Variants in NUP210 observed in about 807,000 individuals in gnomAD.
NUP210 encodes nuclear pore membrane glycoprotein 210.
In NUP210, 151 loss-of-function variants were observed where a neutral mutation model predicts 196.0. The observed-to-expected ratio is 0.77, with a 90% CI of 0.67 to 0.88. NUP210 has a LOEUF of 0.88. NUP210 is among the 40% of genes least tolerant of loss of function. The pLI, the probability that NUP210 is intolerant of heterozygous loss-of-function variation, is 0.00. For missense variants in NUP210, 2,314 were observed against 2,493.7 expected, an observed-to-expected ratio of 0.93 and a Z score of 1.53; for synonymous variants, 1,070 against 1,052.7, an observed-to-expected ratio of 1.02 and a Z score of -0.32.
chr3:13,373,033 C>T (rs1030228817), intron 12 of NUP210, among the ~76,000 whole-genome samples: 1 of 152,124 alleles, frequency 6.6e-6, no homozygotes, highest in Non-Finnish European at 1.5e-5. Flanking sequence ...GGGTCTCAAG[C>T]GGAAGACTGG....
At chr3:13,357,163 A>G (rs1698196749) in intron 16 of NUP210, among the ~76,000 whole-genome samples, 1 of 152,180 alleles carries the variant, frequency 6.6e-6, no homozygotes, top group Non-Finnish European at 1.5e-5. Flanking sequence ...GCGCATGCAC[A>G]GTGCATTCGC....
At chr3:13,325,441 A>T (rs985296623) in intron 33 of NUP210, among the ~76,000 whole-genome samples, 4 of 152,196 alleles carry the variant, frequency 2.6e-5, no homozygotes, top group African/African-American at 9.6e-5. Context: ...CCAGACTCAA[A>T]GGGTGACTTG....
chr3:13,343,427 A>C (rs901402013), intron 20 of NUP210, 124 bp from the exon 21 acceptor site: 1 of 1,264,422 alleles, frequency 7.9e-7, no homozygotes, highest in South Asian at 1.5e-5. Flanking sequence ...ATGGGATGCC[A>C]GTGGCAGAGC....
rs71306055 is a variant in NUP210 at position 13,355,935 on chromosome 3, G to A, written c.2329-1828C>T. On this transcript the variant is annotated intron_variant, in intron 16 of 39. Coordinates refer to ENST00000254508, the MANE Select transcript of NUP210 (RefSeq NM_024923.4). ...AACATAAGCCCCATATTACAAACAG[G>A]GAGGCTGAGGTCCAGGGACGTTAAA... Among the ~76,000 whole-genome samples, 1,034 of 152,302 alleles carry A rather than the reference G, an allele frequency of 6.8e-3. 4 individuals carry two copies. The highest frequency in any genetic ancestry group is 9.1e-3 in the South Asian group (44 of 4,832).
rs184470767 is a variant in NUP210, at chr3:13,391,640, C to T, written c.437-333G>A. ...CACTGCTGCCCCGCACGTCTGTGAG[C>T]GGTTTACAATTTAGGAGTCTGCTCG... On this transcript the variant is annotated intron_variant, in intron 3 of 39. Coordinates refer to ENST00000254508, the MANE Select transcript of NUP210 (RefSeq NM_024923.4). Among the ~76,000 whole-genome samples, 21 of 147,370 alleles carry T rather than the reference C, an allele frequency of 1.4e-4. 1 individual carries two copies. In the South Asian group the frequency reaches 2.4e-3, roughly 17 times the overall value.
At chr3:13,363,045 A>G (rs1698420626) in intron 14 of NUP210, among the ~76,000 whole-genome samples, 1 of 152,184 alleles carries the variant, frequency 6.6e-6, no homozygotes, top group Admixed American at 6.5e-5. Flanking sequence ...AATGTCTACA[A>G]GGCTGTTTCC....
rs59291391 is a variant in NUP210 at position 13,350,692 on chromosome 3, CTTTT to C, written c.2835+1183_2835+1186del. Reference sequence around the variant, plus strand: ...AGTTACAGGAAAAAAAATAGAAATTCTTTTTTTTTTTTTTTTTTTGAGATGGAGT... The same window carrying C: ...AGTTACAGGAAAAAAAATAGAAATTCTTTTTTTTTTTTTTTGAGATGGAGT... On this transcript the variant is annotated intron_variant, in intron 20 of 39. Transcript: ENST00000254508. The surrounding 1 kb of genome is among the most constrained non-coding windows in gnomAD (Gnocchi z 4.1). 3.0e-5 allele frequency among the ~76,000 whole-genome samples: 4 copies of C among 131,494 alleles called. No homozygotes were observed. Among genetic ancestry groups the C allele is most frequent in the Admixed American group, 8.0e-5 (1 of 12,486 alleles). 86.3% of individuals were successfully genotyped at this position (131,494 alleles called of 152,430 possible).
chr3:13,386,396 A>G lies in NUP210; in HGVS notation c.696T>C (p.Pro232=), dbSNP rs1024968161. Residue 232 remains proline (P), a synonymous_variant, in exon 6 of 40, where the codon CCT becomes CCC. Transcript: ENST00000254508. ...IQEAVYKNVR[P]AEVRLLILEN... The stretch of plus-strand genomic sequence containing the variant: ...CCAAAATCAGCAGCCTGACTTCTGC[A>G]GGGCGTACATTCTTGGCATAAAGAA... 3 of 1,614,068 alleles carry G rather than the reference A, an allele frequency of 1.9e-6. No homozygotes were observed. The highest frequency in any genetic ancestry group is 1.7e-6 in the Non-Finnish European group (2 of 1,180,042).
chr3:13,366,656 T>A (rs896966486), intron 13 of NUP210, among the ~76,000 whole-genome samples: 8 of 151,650 alleles, frequency 5.3e-5, no homozygotes, highest in African/African-American at 1.9e-4. Context: ...TAGCTGGGAT[T>A]AGAGGCATGC....
At chr3:13,327,548 AG>A in intron 31 of NUP210, 111 bp from the exon 32 acceptor site, 1 of 813,220 alleles carries the variant, frequency 1.2e-6, no homozygotes, top group Non-Finnish European at 2.0e-6. Flanking sequence ...CAACTGACTG[AG>A]GTCCCAGGTG....
intron 1 of NUP210, among the ~76,000 whole-genome samples, chr3:13,415,429 G>A (rs560755707): frequency 6.6e-6 from 1 of 152,292 alleles, no homozygotes; most frequent in East Asian, 1.9e-4. Flanking sequence ...CCATCAAATA[G>A]GCCCAGATGA....
At position 13,319,447 on chromosome 3, in the gene NUP210, T is replaced by C. The variant is rs565663148; in HGVS notation, c.5384-122A>G. ...AGGTCCCTCTTAGATGTAAGGATGG[T>C]GGTCTCAGAGGGCCAGGCCACCTGC... On this transcript the variant is annotated intron_variant, in intron 37 of 39. Coordinates refer to ENST00000254508, the MANE Select transcript of NUP210 (RefSeq NM_024923.4). 8.1e-6 allele frequency: 7 copies of C among 867,974 alleles called. No individual in the cohort carries two copies. In the African/African-American group the frequency reaches 8.3e-5, roughly 10 times the overall value. 53.8% of individuals were successfully genotyped at this position (867,974 alleles called of 1,614,324 possible). A position where few individuals can be genotyped will look rare whatever the true frequency, so the allele number is the denominator to read the frequency against.
intron 13 of NUP210, among the ~76,000 whole-genome samples, chr3:13,367,162 C>T (rs985359819): frequency 6.6e-6 from 1 of 151,338 alleles, no homozygotes; most frequent in Non-Finnish European, 1.5e-5. Flanking sequence ...CACGGCCGGG[C>T]ATGGTGGCTC....
chr3:13,332,277 G>A lies in NUP210; in HGVS notation c.3935+16C>T, dbSNP rs1040862595. On this transcript the variant is annotated intron_variant, in intron 29 of 39. Coordinates refer to ENST00000254508, the MANE Select transcript of NUP210 (RefSeq NM_024923.4). ...AGCCGCACAACTTTGCTGGAAACAA[G>A]AGCTGAGTCACGTACCTGTTTGTCT... 6.2e-7 allele frequency: 1 copy of A among 1,604,386 alleles called. No individual in the cohort carries two copies. Among genetic ancestry groups the A allele is most frequent in the Non-Finnish European group, 8.5e-7 (1 of 1,171,350 alleles).
chr3:13,373,231 C>G (rs1698790275), intron 12 of NUP210, among the ~76,000 whole-genome samples: 1 of 152,206 alleles, frequency 6.6e-6, no homozygotes, highest in Admixed American at 6.5e-5. Flanking sequence ...CCACCTGCCA[C>G]CATTGTGAAG....
intron 25 of NUP210, among the ~76,000 whole-genome samples, chr3:13,338,166 G>C (rs1697306590): frequency 2.0e-5 from 3 of 152,202 alleles, no homozygotes; most frequent in Non-Finnish European, 4.4e-5. Flanking sequence ...CTGCTGCCCT[G>C]TCTGATCCAG....
intron 6 of NUP210, 41 bp downstream of exon 6, chr3:13,386,234 G>C (rs1576407439): frequency 6.3e-7 from 1 of 1,580,618 alleles, no homozygotes; most frequent in East Asian, 2.3e-5. Context: ...AAAAAAAGGA[G>C]GAAGGAAGCA....
chr3:13,348,857 G>C lies in NUP210; in HGVS notation c.2835+3022C>G, dbSNP rs762003328. 3.2e-4 allele frequency: 313 copies of C among 985,224 alleles called. No homozygotes were observed. Among genetic ancestry groups the C allele is most frequent in the Non-Finnish European group, 3.4e-4 (283 of 829,920 alleles). 61.0% of individuals were successfully genotyped at this position (985,224 alleles called of 1,614,324 possible). ...AGACCAACATCAAACGCTGAAGGAA[G>C]GTTTTCGAAAACACCCCAAACACCA... On this transcript the variant is annotated intron_variant, in intron 20 of 39. Coordinates refer to ENST00000254508, the MANE Select transcript of NUP210 (RefSeq NM_024923.4). The surrounding 1 kb of genome is among the most constrained non-coding windows in gnomAD (Gnocchi z 4.0).
chr3:13,321,554 G>A, intron 36 of NUP210, 31 bp downstream of exon 36: 1 of 1,600,548 alleles, frequency 6.2e-7, no homozygotes, highest in Non-Finnish European at 8.6e-7. Context: ...CCTGACTCCG[G>A]CCTGGCCTGA....
Sources: allele counts gnomAD v4.1 joint callset (sites outside exome capture counted in the v4.1 genomes callset), GRCh38; gene constraint gnomAD v4.1.1; non-coding constraint Gnocchi (gnomAD v3.1); transcripts MANE v1.5; gene names NCBI Gene and HGNC (gene_info 2026-07-23, HGNC 2026-07-21).